Variants in GPC6 observed in about 807,000 individuals in gnomAD.
GPC6 encodes the protein glypican 6, also known as glypican-6.
Under a neutral mutation model 55.2 loss-of-function variants are expected in GPC6, and 14 were observed. The observed-to-expected ratio is 0.25, with a 90% CI of 0.17 to 0.40. The LOEUF (loss-of-function observed/expected upper bound fraction) is 0.40. Ranked by LOEUF, GPC6 falls within the 10% of genes least tolerant of loss-of-function variation. The probability of loss-of-function intolerance (pLI) is 1.00; values close to 1 mark genes in which losing one functional copy is unlikely to be tolerated. For synonymous variants in GPC6, 278 were observed against 259.6 expected, an observed-to-expected ratio of 1.07 and a Z score of -0.68; for missense variants, 641 against 708.5, an observed-to-expected ratio of 0.90 and a Z score of 1.08.
chr13:93,363,619 G>A (rs1393775232), intron 1 of GPC6, among the ~76,000 whole-genome samples: 2 of 152,018 alleles, frequency 1.3e-5, no homozygotes, highest in Non-Finnish European at 2.9e-5. Flanking sequence ...CTTTATAGCA[G>A]CACAATTTAT....
intron 4 of GPC6, among the ~76,000 whole-genome samples, chr13:94,270,964 ATTTTTTTTTTTTTTTTTTTTTT>A (rs764819082): frequency 2.4e-4 from 12 of 49,672 alleles, no homozygotes; most frequent in Admixed American, 9.8e-4. Context: ...GAGAAGTATA[ATTTTTTTTTTTTTTTTTTTTTT>A]TTTTTTTTTT....
intron 1 of GPC6, among the ~76,000 whole-genome samples, chr13:93,303,118 C>A (rs948262999): frequency 6.6e-6 from 1 of 152,180 alleles, no homozygotes; most frequent in Non-Finnish European, 1.5e-5. Context: ...CTTCCACATT[C>A]TGTCTATAAA....
At chr13:94,139,843 G>A (rs541223080) in intron 4 of GPC6, among the ~76,000 whole-genome samples, 70 of 152,294 alleles carry the variant, frequency 4.6e-4, no homozygotes, top group Admixed American at 2.2e-3. Flanking sequence ...TCCACCAGCT[G>A]TAGCTTCCTG....
chr13:93,733,787 A>C (rs537972281), intron 2 of GPC6, among the ~76,000 whole-genome samples: 13 of 152,198 alleles, frequency 8.5e-5, no homozygotes, highest in Admixed American at 6.5e-4. Context: ...GCCCTGACTT[A>C]GAAACTCAGT....
chr13:94,017,534 A>G (rs570167239), intron 3 of GPC6, among the ~76,000 whole-genome samples: 2 of 152,310 alleles, frequency 1.3e-5, no homozygotes, highest in Admixed American at 1.3e-4. Context: ...AACCATCCCC[A>G]TGATTCAAAA....
intron 1 of GPC6, among the ~76,000 whole-genome samples, chr13:93,327,156 T>C (rs1482079245): frequency 6.6e-6 from 1 of 152,238 alleles, no homozygotes; most frequent in African/African-American, 2.4e-5. Context: ...TCAAGATTTA[T>C]GTAGTAACTA....
chr13:94,027,931 G>T (rs767887713), intron 4 of GPC6, 37 bp downstream of exon 4: 9 of 1,585,772 alleles, frequency 5.7e-6, no homozygotes, highest in Non-Finnish European at 6.9e-6. Context: ...AACAGAGACG[G>T]GACAACAGCA....
chr13:93,898,247 G>A (rs1367026481), intron 3 of GPC6, among the ~76,000 whole-genome samples: 2 of 152,036 alleles, frequency 1.3e-5, no homozygotes, highest in Non-Finnish European at 2.9e-5. Context: ...GGCCTTATTG[G>A]TCACCGTATT....
intron 7 of GPC6, among the ~76,000 whole-genome samples, chr13:94,389,758 T>G (rs534025998): frequency 6.6e-6 from 1 of 152,050 alleles, no homozygotes; most frequent in South Asian, 2.1e-4. Context: ...TTTCAGAGCC[T>G]TCAGAGGTCT....
intron 4 of GPC6, among the ~76,000 whole-genome samples, chr13:94,099,364 C>T (rs1885773498): frequency 6.6e-6 from 1 of 151,902 alleles, no homozygotes; most frequent in Non-Finnish European, 1.5e-5. Flanking sequence ...TCAAAAATAA[C>T]TTATTGGTGC....
intron 1 of GPC6, among the ~76,000 whole-genome samples, chr13:93,364,696 T>TATAC (rs1555294091): frequency 2.7e-5 from 4 of 145,852 alleles, no homozygotes; most frequent in South Asian, 2.2e-4. Context: ...TATATATATA[T>TATAC]ACACACACAC....
chr13:93,793,482 CT>C (rs71203704), intron 2 of GPC6, among the ~76,000 whole-genome samples: 1 of 151,648 alleles, frequency 6.6e-6, no homozygotes, highest in African/African-American at 2.4e-5. Context: ...TCACTTTTGA[CT>C]TTTTTTTGGT....
intron 2 of GPC6, among the ~76,000 whole-genome samples, chr13:93,574,123 A>G (rs1181064172): frequency 6.6e-6 from 1 of 152,296 alleles, no homozygotes; most frequent in Non-Finnish European, 1.5e-5. Context: ...TATAATTTGC[A>G]TACCGTTAGA....
intron 2 of GPC6, among the ~76,000 whole-genome samples, chr13:93,734,091 T>TAGAA (rs755766246): frequency 2.7e-4 from 36 of 135,036 alleles, no homozygotes; most frequent in Non-Finnish European, 4.7e-4. Context: ...AATGTAGGAT[T>TAGAA]AGAATTCTGC....
chr13:94,037,946 G>A (rs1883397852), intron 4 of GPC6, among the ~76,000 whole-genome samples: 1 of 151,922 alleles, frequency 6.6e-6, no homozygotes, highest in Non-Finnish European at 1.5e-5. Flanking sequence ...GTAAGACTGA[G>A]CAACTCAATT....
At chr13:93,656,348 A>G (rs1057411719) in intron 2 of GPC6, among the ~76,000 whole-genome samples, 3 of 152,118 alleles carry the variant, frequency 2.0e-5, no homozygotes, top group Admixed American at 6.5e-5. Context: ...GTTACCCCTA[A>G]AGTAGGTTTA....
intron 1 of GPC6, among the ~76,000 whole-genome samples, chr13:93,325,955 A>G (rs1408621331): frequency 6.6e-6 from 1 of 152,180 alleles, no homozygotes; most frequent in African/African-American, 2.4e-5. Context: ...TTAAGTTCCA[A>G]CTAGTGACTA....
chr13:93,700,883 A>G (rs896878147), intron 2 of GPC6, among the ~76,000 whole-genome samples: 2 of 152,116 alleles, frequency 1.3e-5, no homozygotes, highest in African/African-American at 4.8e-5. Context: ...GTGGGACAAA[A>G]TATTCATTAT....
intron 1 of GPC6, among the ~76,000 whole-genome samples, chr13:93,325,554 T>A (rs1879625007): frequency 6.6e-6 from 1 of 152,080 alleles, no homozygotes; most frequent in African/African-American, 2.4e-5. Flanking sequence ...TGCAGTTTGA[T>A]TTTTAGGCTA....
Sources: gnomAD v4.1 joint callset for allele counts (sites outside exome capture counted in the v4.1 genomes callset) on GRCh38, gnomAD v4.1.1 for gene constraint, MANE v1.5 for transcripts, NCBI Gene and HGNC (gene_info 2026-07-23, HGNC 2026-07-21) for gene names.